PTPRR: variants seen among roughly 807,000 people sequenced by gnomAD.
The protein encoded by PTPRR is receptor-type tyrosine-protein phosphatase R.
Under a neutral mutation model 77.2 loss-of-function variants are expected in PTPRR, and 38 were observed. The observed-to-expected ratio is 0.49, with a 90% CI of 0.38 to 0.65. The LOEUF (loss-of-function observed/expected upper bound fraction) is 0.65. PTPRR is among the 30% of genes least tolerant of loss of function. The pLI, the probability that PTPRR is intolerant of heterozygous loss-of-function variation, is 0.00. For synonymous variants in PTPRR, 299 were observed against 283.1 expected, an observed-to-expected ratio of 1.06 and a Z score of -0.57; for missense variants, 744 against 799.2, an observed-to-expected ratio of 0.93 and a Z score of 0.83.
chr12:70,764,616 A>G (rs745999487), intron 3 of PTPRR, 49 bp downstream of exon 3: 1 of 1,474,646 alleles, frequency 6.8e-7, no homozygotes, highest in South Asian at 1.1e-5. Flanking sequence ...GATTAAAAAA[A>G]CCACACACAC....
intron 2 of PTPRR, among the ~76,000 whole-genome samples, chr12:70,863,395 T>C (rs1186479579): frequency 6.6e-6 from 1 of 152,164 alleles, no homozygotes; most frequent in Non-Finnish European, 1.5e-5. Context: ...AAGGAAGTCA[T>C]AAATGATGCA....
intron 5 of PTPRR, among the ~76,000 whole-genome samples, chr12:70,750,057 T>C (rs1890340292): frequency 6.6e-6 from 1 of 152,234 alleles, no homozygotes; most frequent in Non-Finnish European, 1.5e-5. Flanking sequence ...TTTTTCTATT[T>C]GTCGCTCCAC....
At chr12:70,903,669 G>A (rs1167606678) in intron 1 of PTPRR, among the ~76,000 whole-genome samples, 1 of 151,688 alleles carries the variant, frequency 6.6e-6, no homozygotes, top group Non-Finnish European at 1.5e-5. Context: ...ATTACCTAAG[G>A]TTAGGCAAAG....
intron 2 of PTPRR, among the ~76,000 whole-genome samples, chr12:70,822,956 C>T (rs1892043443): frequency 6.6e-6 from 1 of 151,968 alleles, no homozygotes; most frequent in South Asian, 2.1e-4. Context: ...GAACCCTTTC[C>T]TCTAAAGCCC....
intron 2 of PTPRR, among the ~76,000 whole-genome samples, chr12:70,812,016 C>G (rs1252326354): frequency 1.3e-5 from 2 of 152,182 alleles, no homozygotes; most frequent in East Asian, 3.8e-4. Context: ...TAATCAAGAA[C>G]TCCTTAAAAG....
At chr12:70,862,544 A>G (rs1343498504) in intron 2 of PTPRR, among the ~76,000 whole-genome samples, 3 of 140,118 alleles carry the variant, frequency 2.1e-5, no homozygotes, top group Non-Finnish European at 4.5e-5. Context: ...GAACAATGAG[A>G]ACACATGGAC....
intron 6 of PTPRR, among the ~76,000 whole-genome samples, chr12:70,727,500 TA>T (rs1889484779): frequency 6.6e-6 from 1 of 152,194 alleles, no homozygotes; most frequent in African/African-American, 2.4e-5. Context: ...GAAAAATTCA[TA>T]AAAGAAGCTA....
chr12:70,766,013 C>T (rs1332475146), intron 2 of PTPRR, among the ~76,000 whole-genome samples: 1 of 152,102 alleles, frequency 6.6e-6, no homozygotes, highest in African/African-American at 2.4e-5. Flanking sequence ...AACCCATGTG[C>T]ACATCACCAT....
chr12:70,866,288 C>A (rs1892846876), intron 2 of PTPRR, among the ~76,000 whole-genome samples: 1 of 151,962 alleles, frequency 6.6e-6, no homozygotes, highest in Non-Finnish European at 1.5e-5. Flanking sequence ...AGACCGCTAG[C>A]AAGACTAATA....
rs564535992 is a variant in PTPRR at position 70,661,578 on chromosome 12, C to A, written c.1609-481G>T. Among the ~76,000 whole-genome samples the A allele has an allele frequency of 1.4e-4, 22 of 152,238 alleles. No individual in the cohort carries two copies. In the South Asian group the frequency reaches 3.9e-3, roughly 27 times the overall value. ...CCAGTATTTAATAGGAGTGAGGAAT[C>A]ACAGCAATAAAGAAGCTACATGAGA... is the stretch of plus-strand genomic sequence containing the variant. On this transcript the variant is annotated intron_variant, in intron 11 of 13. Transcript: ENST00000283228.
chr12:70,672,899 T>C (rs1367551911), intron 10 of PTPRR: 2 of 1,546,840 alleles, frequency 1.3e-6, no homozygotes, highest in Non-Finnish European at 1.8e-6. Flanking sequence ...GATGGGGGCA[T>C]CTGCTCCCAC....
At chr12:70,752,509 G>A (rs956958425) in intron 5 of PTPRR, among the ~76,000 whole-genome samples, 1 of 152,110 alleles carries the variant, frequency 6.6e-6, no homozygotes, top group African/African-American at 2.4e-5. Context: ...ACATGAGCAC[G>A]CCCTGAGTTA....
rs188906233 is a variant in PTPRR at position 70,673,825 on chromosome 12, C to T, written c.1497+10302G>A. On this transcript the variant is annotated intron_variant, in intron 10 of 13. Coordinates refer to ENST00000283228, the MANE Select transcript of PTPRR (RefSeq NM_002849.4). ...GTGTCCTCTTTTATTTAAATCTCTG[C>T]TTTAATTATAGTCATTTTTAATGGT... Among the ~76,000 whole-genome samples the T allele has an allele frequency of 4.8e-3, 724 of 152,184 alleles. 3 individuals carry two copies. Among genetic ancestry groups the T allele is most frequent in the African/African-American group, 0.017 (701 of 41,516 alleles).
chr12:70,673,834 T>C (rs553559519), intron 10 of PTPRR, among the ~76,000 whole-genome samples: 18 of 152,352 alleles, frequency 1.2e-4, no homozygotes, highest in African/African-American at 4.3e-4. Flanking sequence ...GCTTTAATTA[T>C]AGTCATTTTT....
At chr12:70,693,511 T>A (rs1592679073) in intron 8 of PTPRR, among the ~76,000 whole-genome samples, 1 of 152,106 alleles carries the variant, frequency 6.6e-6, no homozygotes, top group East Asian at 1.9e-4. Context: ...TTGCCCAGGC[T>A]AGTAATTAAA....
At chr12:70,848,983 AT>A (rs932486870) in intron 2 of PTPRR, among the ~76,000 whole-genome samples, 1 of 152,232 alleles carries the variant, frequency 6.6e-6, no homozygotes, top group Non-Finnish European at 1.5e-5. Context: ...AAGTTAAATA[AT>A]TTTTTTATCT....
chr12:70,773,551 G>T lies in PTPRR; in HGVS notation c.358-8773C>A, dbSNP rs576804531. On this transcript the variant is annotated intron_variant, in intron 2 of 13. Coordinates refer to ENST00000283228, the MANE Select transcript of PTPRR (RefSeq NM_002849.4). Reference sequence around the variant, plus strand: ...TTAGAAGCATAATTCTATTCCAGAGGTGGCTTGGCAGATGGAGCATATCAT... The same window carrying T: ...TTAGAAGCATAATTCTATTCCAGAGTTGGCTTGGCAGATGGAGCATATCAT... Among the ~76,000 whole-genome samples the T allele has an allele frequency of 4.6e-5, 7 of 152,246 alleles. No homozygotes were observed. In the East Asian group the frequency reaches 1.4e-3, roughly 29 times the overall value.
At chr12:70,866,715 CAG>C (rs1892857326) in intron 2 of PTPRR, among the ~76,000 whole-genome samples, 2 of 152,150 alleles carry the variant, frequency 1.3e-5, no homozygotes, top group South Asian at 4.1e-4. Flanking sequence ...CAATGCCTGG[CAG>C]AGACACAACC....
intron 13 of PTPRR, among the ~76,000 whole-genome samples, chr12:70,646,257 C>T (rs1007648805): frequency 3.3e-5 from 5 of 152,024 alleles, no homozygotes; most frequent in Non-Finnish European, 7.4e-5. Context: ...GTGTCTGGCC[C>T]CTTGGACAGA....
Sources: allele counts gnomAD v4.1 joint callset (sites outside exome capture counted in the v4.1 genomes callset), GRCh38; gene constraint gnomAD v4.1.1; transcripts MANE v1.5; gene names NCBI Gene and HGNC (gene_info 2026-07-23, HGNC 2026-07-21).